UROC1: variants seen among roughly 807,000 people sequenced by gnomAD.
The protein encoded by UROC1 is urocanate hydratase.
In UROC1, 79 loss-of-function variants were observed where a neutral mutation model predicts 89.5. That is an observed-to-expected ratio of 0.88 (90% CI 0.74 to 1.06). The LOEUF (loss-of-function observed/expected upper bound fraction) is 1.06. Among genes scored for constraint, UROC1 ranks in the 50% least tolerant of loss-of-function variants. The pLI is 0.00. For missense variants in UROC1, 885 were observed against 907.8 expected (o/e 0.97, Z 0.32); for synonymous variants, 361 against 354.8 (o/e 1.02, Z -0.20).
chr3:126,499,044 G>C (rs1160618734), intron 13 of UROC1, among the ~76,000 whole-genome samples: 1 of 151,928 alleles, frequency 6.6e-6, no homozygotes, highest in Non-Finnish European at 1.5e-5. Flanking sequence ...TATTATTCAG[G>C]TGCAGTTGTT....
chr3:126,497,368 C>T (rs761994932), intron 14 of UROC1, among the ~76,000 whole-genome samples: 5 of 152,196 alleles, frequency 3.3e-5, no homozygotes, highest in Admixed American at 6.5e-5. Context: ...ACCCACTCAA[C>T]GAGAACAAAG....
At chr3:126,500,546 G>A (rs1005777893) in intron 11 of UROC1, 149 bp downstream of exon 11, 32 of 972,712 alleles carry the variant, frequency 3.3e-5, no homozygotes, top group Non-Finnish European at 4.8e-5. Context: ...TCATGACTCC[G>A]TCTGATGGGT....
At chr3:126,494,604 G>A (rs756764278) in intron 15 of UROC1, among the ~76,000 whole-genome samples, 49 of 152,152 alleles carry the variant, frequency 3.2e-4, no homozygotes, top group Non-Finnish European at 4.4e-4. Flanking sequence ...GTTCAGACAC[G>A]GTCCATGGCC....
chr3:126,488,402 C>T, intron 17 of UROC1, 123 bp from the exon 18 acceptor site: 2 of 1,059,934 alleles, frequency 1.9e-6, no homozygotes, highest in Non-Finnish European at 1.4e-6. Flanking sequence ...GGCAACTAGG[C>T]CCTAGGGACA....
intron 9 of UROC1, among the ~76,000 whole-genome samples, chr3:126,502,811 A>G (rs537082543): frequency 4.1e-5 from 6 of 147,982 alleles, no homozygotes; most frequent in African/African-American, 1.5e-4. Context: ...TTCTCTGTGT[A>G]TGTGTGCTTA....
chr3:126,501,023 G>A, intron 10 of UROC1, 149 bp from the exon 11 acceptor site: 5 of 1,322,592 alleles, frequency 3.8e-6, no homozygotes, highest in Non-Finnish European at 5.4e-6. Context: ...CCTGGAAAGA[G>A]AACCTACGGG....
chr3:126,501,209 C>G lies in UROC1; in HGVS notation c.965+9G>C. 8 of 1,614,108 alleles carry G rather than the reference C, an allele frequency of 5.0e-6. No individual in the cohort carries two copies. Among genetic ancestry groups the G allele is most frequent in the Non-Finnish European group, 6.8e-6 (8 of 1,179,976 alleles). On this transcript the variant is annotated intron_variant, in intron 10 of 19. Coordinates refer to ENST00000290868, the MANE Select transcript of UROC1 (RefSeq NM_144639.3). ...CCAAGCTGGCCATCAACTCCCAACC[C>G]CCACTCACCAAAGAGCCACCACGTT...
chr3:126,508,571 A>T, intron 3 of UROC1, 96 bp from the exon 4 acceptor site: 4 of 989,142 alleles, frequency 4.0e-6, no homozygotes, highest in Non-Finnish European at 4.7e-6. Flanking sequence ...CTGGGGGCCC[A>T]ATGGGACAAG....
At chr3:126,508,567 G>T (rs926967955) in intron 3 of UROC1, 92 bp from the exon 4 acceptor site, 12 of 1,038,612 alleles carry the variant, frequency 1.2e-5, no homozygotes, top group Non-Finnish European at 1.8e-5. Context: ...TCCCCTGGGG[G>T]CCCAATGGGA....
At chr3:126,502,343 TTGTG>T (rs766967626) in intron 9 of UROC1, among the ~76,000 whole-genome samples, 18 of 150,064 alleles carry the variant, frequency 1.2e-4, no homozygotes, top group Non-Finnish European at 2.5e-4. Flanking sequence ...TTGTGTGCGT[TTGTG>T]TGTTTGTGTT....
chr3:126,496,117 G>C lies in UROC1; in HGVS notation c.1439-9C>G. 6.2e-7 allele frequency: 1 copy of C among 1,612,270 alleles called. No homozygotes were observed. The highest frequency in any genetic ancestry group is 1.1e-5 in the South Asian group (1 of 90,666). ...CTTCACAGACACCTTCACTGCAGGA[G>C]AGAGGACAGCAGGCGTCAGAGACCC... is the stretch of plus-strand genomic sequence containing the variant. On this transcript the variant is annotated splice_polypyrimidine_tract_variant and intron_variant, in intron 14 of 19. Transcript: ENST00000290868.
At chr3:126,504,298 C>T (rs1192439391) in intron 8 of UROC1, among the ~76,000 whole-genome samples, 1 of 152,170 alleles carries the variant, frequency 6.6e-6, no homozygotes, top group African/African-American at 2.4e-5. Context: ...TTCAGGGTGA[C>T]ACGGTTCAGC....
chr3:126,495,461 T>C (rs1412411110), intron 15 of UROC1, among the ~76,000 whole-genome samples: 1 of 152,202 alleles, frequency 6.6e-6, no homozygotes, highest in Admixed American at 6.5e-5. Flanking sequence ...TTCATCCATG[T>C]TGTCACGTGT....
At chr3:126,490,798 G>A (rs1367743997) in intron 16 of UROC1, among the ~76,000 whole-genome samples, 2 of 152,200 alleles carry the variant, frequency 1.3e-5, no homozygotes, top group Admixed American at 6.5e-5. Flanking sequence ...CAGGGAGCAT[G>A]TCAGCCTGGC....
At chr3:126,498,734 A>G (rs973004090) in intron 13 of UROC1, among the ~76,000 whole-genome samples, 11 of 152,244 alleles carry the variant, frequency 7.2e-5, no homozygotes, top group Admixed American at 7.2e-4. Flanking sequence ...TGAGCTTGAC[A>G]GTAAGTGGCA....
At chr3:126,501,635 A>G (rs1478376836) in intron 9 of UROC1, among the ~76,000 whole-genome samples, 1 of 152,242 alleles carries the variant, frequency 6.6e-6, no homozygotes, top group African/African-American at 2.4e-5. Flanking sequence ...AGGATTCACT[A>G]AAGATGATTC....
At chr3:126,507,870 A>C in intron 5 of UROC1, 67 bp from the exon 6 acceptor site, 1 of 1,612,864 alleles carries the variant, frequency 6.2e-7, no homozygotes, top group South Asian at 1.1e-5. Flanking sequence ...AGCCCTGGGG[A>C]TGATGCACAG....
intron 15 of UROC1, 111 bp from the exon 16 acceptor site, chr3:126,492,627 G>A: frequency 1.3e-6 from 1 of 759,352 alleles, no homozygotes; most frequent in Non-Finnish European, 2.1e-6. Flanking sequence ...GCCCTTGGCA[G>A]CCTGAGCGCC....
At position 126,482,476 on chromosome 3, in the gene UROC1, G is replaced by T; in HGVS notation, c.1900C>A (p.Arg634Ser). 6.2e-7 allele frequency: 1 copy of T among 1,613,950 alleles called. No homozygotes were observed. Among genetic ancestry groups the T allele is most frequent in the Non-Finnish European group, 8.5e-7 (1 of 1,180,008 alleles). The change falls in exon 20 of 20, where the codon CGC becomes AGC. Residue 634 changes from arginine to serine, a missense_variant. Coordinates refer to ENST00000290868, the MANE Select transcript of UROC1 (RefSeq NM_144639.3). ...SWDVSNGVARRCWSGNQKAYE... is the reference protein window; with the variant it reads ...SWDVSNGVARSCWSGNQKAYE... ...GCCTTCTGGTTCCCTGACCAGCAGC[G>T]CCGGGCCACCTAGGGCAAGGAGGGG...
Sources: gnomAD v4.1 joint callset for allele counts (sites outside exome capture counted in the v4.1 genomes callset) on GRCh38, gnomAD v4.1.1 for gene constraint, MANE v1.5 for transcripts, NCBI Gene and HGNC (gene_info 2026-07-23, HGNC 2026-07-21) for gene names.